SLC22A2: variants seen among roughly 807,000 people sequenced by gnomAD.
The protein encoded by SLC22A2 is solute carrier family 22 member 2, also known as organic cation transporter 2.
A neutral mutation model predicts 60.5 loss-of-function variants in SLC22A2; 46 were observed. The observed-to-expected ratio is 0.76, with a 90% CI of 0.60 to 0.97. The LOEUF (loss-of-function observed/expected upper bound fraction) is 0.97. Among genes scored for constraint, SLC22A2 ranks in the 50% least tolerant of loss-of-function variants. The pLI is 0.00. For missense variants in SLC22A2, 701 were observed against 706.6 expected (o/e 0.99, Z 0.09); for synonymous variants, 303 against 267.0 (o/e 1.13, Z -1.31).
rs1055477423 is a variant in SLC22A2 at position 160,233,406 on chromosome 6, TATC to T, written c.1501+8065_1501+8067del. Reference sequence around the variant, plus strand: ...TATTCAGTGGAACCTTCATACCCCTTATCATCCTCAATCTTCAGGAAAGGTAAA... The same window carrying T: ...TATTCAGTGGAACCTTCATACCCCTTATCCTCAATCTTCAGGAAAGGTAAA... On this transcript the variant is annotated intron_variant, in intron 9 of 10. Coordinates refer to ENST00000366953, the MANE Select transcript of SLC22A2 (RefSeq NM_003058.4). Among the ~76,000 whole-genome samples the T allele has an allele frequency of 9.9e-5, 15 of 151,928 alleles. 1 individual carries two copies. Among genetic ancestry groups the T allele is most frequent in the African/African-American group, 3.6e-4 (15 of 41,222 alleles).
intron 2 of SLC22A2, among the ~76,000 whole-genome samples, chr6:160,255,223 G>C (rs536820969): frequency 6.6e-6 from 1 of 152,356 alleles, no homozygotes; most frequent in South Asian, 2.1e-4. Context: ...GGGCAGCTGA[G>C]GAGACAATTA....
chr6:160,223,814 G>T (rs1782680067), intron 10 of SLC22A2, among the ~76,000 whole-genome samples: 1 of 152,062 alleles, frequency 6.6e-6, no homozygotes, highest in South Asian at 2.1e-4. Flanking sequence ...TGCAACCTCT[G>T]CCTCCCAGTT....
intron 6 of SLC22A2, chr6:160,244,917 T>C (rs1319426637): frequency 2.0e-5 from 3 of 152,192 alleles, no homozygotes; most frequent in Non-Finnish European, 2.9e-5. Flanking sequence ...CCACTGGAAT[T>C]ATTCTTGTTC....
intron 10 of SLC22A2, among the ~76,000 whole-genome samples, chr6:160,223,676 A>T (rs1782676572): frequency 6.6e-6 from 1 of 152,148 alleles, no homozygotes; most frequent in African/African-American, 2.4e-5. Context: ...AAACTTCTAG[A>T]GGTGTAGAGT....
intron 9 of SLC22A2, among the ~76,000 whole-genome samples, chr6:160,230,895 G>C (rs1782810435): frequency 1.3e-5 from 2 of 151,884 alleles, no homozygotes; most frequent in Admixed American, 1.3e-4. Context: ...CAGTCCTAGG[G>C]CCCCTAAAGC....
intron 9 of SLC22A2, among the ~76,000 whole-genome samples, chr6:160,228,835 T>G (rs2114853544): frequency 6.6e-6 from 1 of 151,924 alleles, no homozygotes; most frequent in Admixed American, 6.5e-5. Context: ...GCTCCCCCAC[T>G]GAGCACCTTG....
At chr6:160,251,266 C>T (rs1008973114) in intron 2 of SLC22A2, among the ~76,000 whole-genome samples, 1 of 152,190 alleles carries the variant, frequency 6.6e-6, no homozygotes, top group Non-Finnish European at 1.5e-5. Context: ...ACAGCTTCCA[C>T]ACATCAGATT....
intron 9 of SLC22A2, among the ~76,000 whole-genome samples, chr6:160,228,199 C>T (rs1056853561): frequency 6.6e-6 from 1 of 152,160 alleles, no homozygotes; most frequent in African/African-American, 2.4e-5. Context: ...GATCGGACAC[C>T]TTTCCAATAA....
rs549262344 is a variant in SLC22A2 at position 160,223,799 on chromosome 6, C to G, written c.1601+906G>C. The stretch of plus-strand genomic sequence containing the variant: ...CTGGAGTGCAGTGGCACGATCTCAG[C>G]TCACTGCAACCTCTGCCTCCCAGTT... On this transcript the variant is annotated intron_variant, in intron 10 of 10. Coordinates refer to ENST00000366953, the MANE Select transcript of SLC22A2 (RefSeq NM_003058.4). Among the ~76,000 whole-genome samples the G allele has an allele frequency of 1.1e-4, 17 of 152,298 alleles. No homozygotes were observed. The South Asian group carries it at 2.3e-3, about 20-fold the overall frequency.
chr6:160,217,271 C>T lies in SLC22A2; in HGVS notation c.*161G>A. ...AGGATCTGGTCCCATGGGTATTTTT[C>T]CACAGTGTACAATAGACTCCACTGG... is the stretch of plus-strand genomic sequence containing the variant. On this transcript the variant is annotated 3_prime_UTR_variant, in exon 11 of 11. Transcript: ENST00000366953. The T allele has an allele frequency of 2.4e-6, 1 of 416,050 alleles. No individual in the cohort carries two copies. Among genetic ancestry groups the T allele is most frequent in the Non-Finnish European group, 4.3e-6 (1 of 234,452 alleles). The allele number at this position is 416,050 out of a possible 1,614,324, so 25.8% of individuals were successfully genotyped here.
Position 160,249,227 on chromosome 6 carries a change from C to T in SLC22A2, c.831G>A (p.Leu277=). 4 of 1,595,766 alleles carry T rather than the reference C, an allele frequency of 2.5e-6. No individual in the cohort carries two copies. The highest frequency in any genetic ancestry group is 3.4e-6 in the Non-Finnish European group (4 of 1,171,366). Residue 277 remains leucine, a synonymous_variant, in exon 4 of 11, where the codon TTG becomes TTA. Transcript: ENST00000366953. ...FTVSLPNFFF[L]LYYWCIPESP... ...CCAAATGGACTTACCAGTAATAGAG[C>T]AAGAAGAAGAAGTTGGGCAGAGAAA...
At chr6:160,229,736 CCTT>C (rs781392532) in intron 9 of SLC22A2, among the ~76,000 whole-genome samples, 9 of 151,822 alleles carry the variant, frequency 5.9e-5, no homozygotes, top group Admixed American at 1.3e-4. Flanking sequence ...TTCCATTCCT[CCTT>C]CTTCTCCCTT....
At chr6:160,218,104 C>A (rs1004854305) in intron 10 of SLC22A2, 1 of 192,728 alleles carries the variant, frequency 5.2e-6, no homozygotes, top group African/African-American at 2.4e-5. Context: ...TCCCAGCCAC[C>A]CAGCATCTCA....
At chr6:160,229,981 G>A (rs897214250) in intron 9 of SLC22A2, among the ~76,000 whole-genome samples, 4 of 151,652 alleles carry the variant, frequency 2.6e-5, no homozygotes, top group African/African-American at 9.8e-5. Flanking sequence ...TTTACACATT[G>A]GTCCCTCCCT....
In SLC22A2 at chr6:160,245,502, G is replaced by A. The variant is rs556491698; in HGVS notation, c.1001C>T (p.Ser334Leu). The A allele has an allele frequency of 2.5e-6, 4 of 1,611,002 alleles. No homozygotes were observed. Among genetic ancestry groups the A allele is most frequent in the African/African-American group, 2.7e-5 (2 of 74,934 alleles). Reference protein sequence around the residue: ...EEETGKKLNPSFLDLVRTPQI... With the variant: ...EEETGKKLNPLFLDLVRTPQI... ...AGGAGTTCTGACCAAGTCAAGAAAT[G>A]AAGGGTTCAATTTCTTGCCAGTTTC... is the stretch of plus-strand genomic sequence containing the variant. The change falls in exon 6 of 11, where the codon TCA becomes TTA. Residue 334 changes from serine (S) to leucine (L), a missense_variant. Transcript: ENST00000366953.
At chr6:160,255,298 T>A (rs745530929) in intron 2 of SLC22A2, among the ~76,000 whole-genome samples, 1 of 152,226 alleles carries the variant, frequency 6.6e-6, no homozygotes, top group African/African-American at 2.4e-5. Context: ...TCTTCCCTTC[T>A]GCTGCCAGTT....
chr6:160,249,115 G>A (rs564920269), intron 4 of SLC22A2, 101 bp downstream of exon 4: 1 of 797,760 alleles, frequency 1.3e-6, no homozygotes, highest in South Asian at 2.0e-5. Flanking sequence ...GAGAGTGAAA[G>A]CAATCTCAGA....
chr6:160,234,466 C>T (rs1782878664), intron 9 of SLC22A2, among the ~76,000 whole-genome samples: 1 of 152,322 alleles, frequency 6.6e-6, no homozygotes, highest in African/African-American at 2.4e-5. Flanking sequence ...TCTCCTTCCC[C>T]ACCCTGCCAC....
intron 9 of SLC22A2, among the ~76,000 whole-genome samples, chr6:160,227,997 C>T (rs1353704564): frequency 6.6e-6 from 1 of 152,232 alleles, no homozygotes; most frequent in Non-Finnish European, 1.5e-5. Flanking sequence ...ATTAATAACC[C>T]ACCTTTTGTT....
Sources: allele counts gnomAD v4.1 joint callset (sites outside exome capture counted in the v4.1 genomes callset), GRCh38; gene constraint gnomAD v4.1.1; transcripts MANE v1.5; gene names NCBI Gene and HGNC (gene_info 2026-07-23, HGNC 2026-07-21).